Variants in ABCC1 observed in about 807,000 individuals in gnomAD.
ABCC1 encodes multidrug resistance-associated protein 1.
ABCC1 carries 83 observed loss-of-function variants against 172.9 expected under a neutral mutation model. The observed-to-expected ratio is 0.48, with a 90% CI of 0.40 to 0.58. The LOEUF (loss-of-function observed/expected upper bound fraction) is 0.58. Ranked by LOEUF, ABCC1 falls within the 20% of genes least tolerant of loss-of-function variation. The pLI, the probability that ABCC1 is intolerant of heterozygous loss-of-function variation, is 0.00. For synonymous variants in ABCC1, 937 were observed against 825.2 expected, an observed-to-expected ratio of 1.14 and a Z score of -2.32; for missense variants, 1,817 against 2,002.7, an observed-to-expected ratio of 0.91 and a Z score of 1.77.
In ABCC1 at chr16:16,124,396, T is replaced by TGG. The variant is rs2045335473; in HGVS notation, c.3591-392_3591-391insGG. Among the ~76,000 whole-genome samples, 5 of 133,854 alleles carry TGG rather than the reference T, an allele frequency of 3.7e-5. No homozygotes were observed. In the East Asian group the frequency reaches 6.7e-4, roughly 18 times the overall value. 87.8% of individuals were successfully genotyped at this position (133,854 alleles called of 152,430 possible). On this transcript the variant is annotated intron_variant, in intron 24 of 30. Transcript: ENST00000399410. ...GCCCGGCTGTGTGTGTGTGTGTGTG[T>TGG]GTGTGTGTGTGTGTATGTGTGTGTG...
chr16:16,141,381 C>T lies in ABCC1; in HGVS notation c.*100C>T. 8.7e-7 allele frequency: 1 copy of T among 1,146,492 alleles called. No homozygotes were observed. The highest frequency in any genetic ancestry group is 1.3e-6 in the Non-Finnish European group (1 of 793,348). 71.0% of individuals were successfully genotyped at this position (1,146,492 alleles called of 1,614,324 possible). Reference sequence around the variant, plus strand: ...GTAAACCAAGCCTCCCACACTGAAACCAAAACATAAAAACCAAACCCAGAC... The same window carrying T: ...GTAAACCAAGCCTCCCACACTGAAATCAAAACATAAAAACCAAACCCAGAC... On this transcript the variant is annotated 3_prime_UTR_variant, in exon 31 of 31. Coordinates refer to ENST00000399410, the MANE Select transcript of ABCC1 (RefSeq NM_004996.4).
chr16:16,092,163 T>G (rs13332140), intron 19 of ABCC1, among the ~76,000 whole-genome samples: 62,188 of 152,076 alleles, frequency 0.41, 14,854 homozygotes, highest in Non-Finnish European at 0.53. Context: ...GTTTGAACCT[T>G]GGAGGCGGAG....
intron 19 of ABCC1, among the ~76,000 whole-genome samples, chr16:16,099,506 CAG>C (rs2051630460): frequency 6.6e-6 from 1 of 152,184 alleles, no homozygotes; most frequent in East Asian, 1.9e-4. Flanking sequence ...CTTAAACAAA[CAG>C]AGGGTGTTTC....
chr16:16,065,910 C>G (rs1337829689), intron 12 of ABCC1, among the ~76,000 whole-genome samples: 1 of 152,152 alleles, frequency 6.6e-6, no homozygotes, highest in Non-Finnish European at 1.5e-5. Context: ...TATAATTCAC[C>G]ATTTAAAAGT....
intron 1 of ABCC1, among the ~76,000 whole-genome samples, chr16:15,975,833 G>A (rs2046477753): frequency 6.6e-6 from 1 of 152,058 alleles, no homozygotes; most frequent in Admixed American, 6.5e-5. Context: ...TGGGATTACA[G>A]GCGTGAGCCG....
intron 24 of ABCC1, among the ~76,000 whole-genome samples, chr16:16,124,149 A>G (rs2045297089): frequency 6.6e-6 from 1 of 151,780 alleles, no homozygotes; most frequent in Admixed American, 6.6e-5. Flanking sequence ...CTAGTTACGC[A>G]CTCCCCTCCC....
intron 1 of ABCC1, among the ~76,000 whole-genome samples, chr16:15,975,441 T>C (rs2046464637): frequency 6.6e-6 from 1 of 152,194 alleles, no homozygotes; most frequent in Admixed American, 6.6e-5. Flanking sequence ...AGTAGGATTG[T>C]TGGGTGAAAA....
rs565227520 is a variant in ABCC1 at position 15,962,695 on chromosome 16, T to C, written c.48+12896T>C. On this transcript the variant is annotated intron_variant, in intron 1 of 30. Transcript: ENST00000399410. ...GCCGGTATAAAACCATCAGATCTTC[T>C]GAGGACTCACTATCAGGAGAACAGC... 1.0e-3 allele frequency among the ~76,000 whole-genome samples: 157 copies of C among 152,306 alleles called. 1 individual carries two copies. Among genetic ancestry groups the C allele is most frequent in the Non-Finnish European group, 2.0e-3 (133 of 68,026 alleles).
rs951671238 is a variant in ABCC1, at chr16:16,128,426, G to A, written c.3819+2515G>A. ...AGCCTCCCAAAGTGCTGGGATCACA[G>A]GTGTGAGCCACCACACCCGGCCTGA... On this transcript the variant is annotated intron_variant, in intron 26 of 30. Coordinates refer to ENST00000399410, the MANE Select transcript of ABCC1 (RefSeq NM_004996.4). Among the ~76,000 whole-genome samples the A allele has an allele frequency of 2.6e-5, 4 of 152,228 alleles. No homozygotes were observed. The East Asian group carries it at 7.7e-4, about 29-fold the overall frequency.
intron 12 of ABCC1, among the ~76,000 whole-genome samples, chr16:16,063,199 C>T (rs2049985155): frequency 6.6e-6 from 1 of 152,188 alleles, no homozygotes; most frequent in African/African-American, 2.4e-5. Context: ...CTCCACCTCC[C>T]AGGTTCAGCT....
chr16:16,037,286 T>G, intron 7 of ABCC1, among the ~76,000 whole-genome samples: 1 of 152,168 alleles, frequency 6.6e-6, no homozygotes, highest in East Asian at 1.9e-4. Context: ...GTAAGTCTGT[T>G]TAGCCAAAGA....
chr16:15,996,637 C>T (rs2047065133), intron 1 of ABCC1, among the ~76,000 whole-genome samples: 1 of 151,926 alleles, frequency 6.6e-6, no homozygotes, highest in African/African-American at 2.4e-5. Flanking sequence ...ATGCGTTATC[C>T]CTGCAGGCCT....
intron 7 of ABCC1, among the ~76,000 whole-genome samples, chr16:16,042,480 A>G (rs2072381639): frequency 1.3e-5 from 2 of 152,080 alleles, no homozygotes; most frequent in Non-Finnish European, 2.9e-5. Context: ...AGGCAGGCAG[A>G]TCACTTGAGG....
At chr16:16,137,299 T>C (rs1298218344) in intron 29 of ABCC1, among the ~76,000 whole-genome samples, 6 of 152,152 alleles carry the variant, frequency 3.9e-5, no homozygotes, top group Admixed American at 3.9e-4. Flanking sequence ...AGCTGGCTTT[T>C]GGCCTCAGGT....
chr16:16,052,838 G>A (rs201790311), intron 11 of ABCC1, 22 bp downstream of exon 11: 1 of 1,612,290 alleles, frequency 6.2e-7, no homozygotes. Context: ...GTCTCTGCGG[G>A]CCCCCAAGCC....
At chr16:16,118,521 A>G (rs2045004506) in intron 23 of ABCC1, among the ~76,000 whole-genome samples, 1 of 151,830 alleles carries the variant, frequency 6.6e-6, no homozygotes, top group East Asian at 1.9e-4. Context: ...AAAAGAACAA[A>G]ACAGGCCAAA....
chr16:16,074,316 T>G (rs2050470513), intron 14 of ABCC1, among the ~76,000 whole-genome samples: 1 of 152,176 alleles, frequency 6.6e-6, no homozygotes, highest in Non-Finnish European at 1.5e-5. Context: ...TGCTGGACTC[T>G]TCCTCCCAAC....
At chr16:16,061,766 T>G (rs559375130) in intron 12 of ABCC1, among the ~76,000 whole-genome samples, 2 of 146,100 alleles carry the variant, frequency 1.4e-5, no homozygotes, top group African/African-American at 5.4e-5. Flanking sequence ...TTTTTTTTCT[T>G]TTTTTCTTTT....
rs543410633 is a variant in ABCC1 at position 16,071,663 on chromosome 16, C to T, written c.1846C>T (p.Leu616=). Residue 616 remains leucine (L), a synonymous_variant, in exon 14 of 31, where the codon CTG becomes TTG. Coordinates refer to ENST00000399410, the MANE Select transcript of ABCC1 (RefSeq NM_004996.4). ...ACAGGCGAGTGTCTCCCTCAAACGC[C>T]TGAGGATCTTTCTCTCCCATGAGGA... is the stretch of plus-strand genomic sequence containing the variant. ...IVQASVSLKR[L]RIFLSHEELE... is the part of the protein sequence containing the mutation. 29 of 1,614,068 alleles carry T rather than the reference C, an allele frequency of 1.8e-5. No individual in the cohort carries two copies. The East Asian group carries it at 6.2e-4, about 35-fold the overall frequency.
Sources: allele counts gnomAD v4.1 joint callset (sites outside exome capture counted in the v4.1 genomes callset), GRCh38; gene constraint gnomAD v4.1.1; transcripts MANE v1.5; gene names NCBI Gene and HGNC (gene_info 2026-07-23, HGNC 2026-07-21).